The following ESR1 variants were observed in gnomAD, a reference collection of about 807,000 sequenced individuals.
ESR1 encodes the protein estrogen receptor 1, also known as estrogen receptor.
In ESR1, 12 loss-of-function variants were observed where a neutral mutation model predicts 52.7. The observed-to-expected ratio is 0.23, with a 90% CI of 0.15 to 0.37. The LOEUF is 0.37. Among genes scored for constraint, ESR1 ranks in the 10% least tolerant of loss-of-function variants. The pLI, the probability that ESR1 is intolerant of heterozygous loss-of-function variation, is 1.00. For synonymous variants in ESR1, 305 were observed against 316.8 expected (o/e 0.96, Z 0.39); for missense variants, 584 against 779.7 (o/e 0.75, Z 2.99).
chr6:152,122,497 T>G (rs1256878138), intron 6 of ESR1: 4 of 1,614,160 alleles, frequency 2.5e-6, no homozygotes, highest in Non-Finnish European at 3.4e-6. Flanking sequence ...GGCAAAGTTG[T>G]TGGAGAGGGC....
chr6:151,831,708 C>G (rs991856539), intron 1 of ESR1, among the ~76,000 whole-genome samples: 1 of 152,148 alleles, frequency 6.6e-6, no homozygotes. Context: ...TCTAAAACAA[C>G]TGGTGTTGTA....
intron 6 of ESR1, among the ~76,000 whole-genome samples, chr6:152,082,828 C>G (rs1198657853): frequency 1.3e-5 from 2 of 152,146 alleles, no homozygotes; most frequent in Non-Finnish European, 2.9e-5. Context: ...AATAGACAAA[C>G]AGAGAGCCAA....
In ESR1 at chr6:151,808,067, A is replaced by G. The variant is rs1778161456; in HGVS notation, c.155A>G (p.Tyr52Cys). 3.1e-6 allele frequency: 5 copies of G among 1,613,462 alleles called. No individual in the cohort carries two copies. Among genetic ancestry groups the G allele is most frequent in the Non-Finnish European group, 3.4e-6 (4 of 1,179,892 alleles). The stretch of plus-strand genomic sequence containing the variant: ...CTGGACAGCAGCAAGCCCGCCGTGT[A>G]CAACTACCCCGAGGGCGCCGCCTAC... ...VYLDSSKPAV[Y>C]NYPEGAAYEF... The change falls in exon 1 of 8, where the codon TAC becomes TGC. Residue 52 changes from tyrosine to cysteine, a missense_variant. By Grantham distance (194) the Tyr-to-Cys change is radical. This residue lies in a region of ESR1 where 251 missense variants were observed against 246.1 expected (regional missense o/e 1.02). Transcript: ENST00000206249.
chr6:151,971,377 T>C (rs888337076), intron 4 of ESR1, among the ~76,000 whole-genome samples: 11 of 152,118 alleles, frequency 7.2e-5, no homozygotes, highest in Non-Finnish European at 1.0e-4. Flanking sequence ...CCAAAGTCCA[T>C]TGTATCATTC....
chr6:152,108,607 T>A (rs906061210), intron 6 of ESR1, among the ~76,000 whole-genome samples: 4 of 152,200 alleles, frequency 2.6e-5, no homozygotes. Flanking sequence ...GGAGCAGACT[T>A]GTCTACATAT....
At chr6:151,710,235 C>A (rs893409830) in intron 2 of ESR1, among the ~76,000 whole-genome samples, 1 of 150,900 alleles carries the variant, frequency 6.6e-6, no homozygotes, top group East Asian at 1.9e-4. Flanking sequence ...GCTCCCTACT[C>A]ATTAATATTA....
upstream of ESR1, among the ~76,000 whole-genome samples, chr6:151,689,382 CTTG>C (rs1408743768): frequency 5.3e-5 from 8 of 152,268 alleles, no homozygotes; most frequent in East Asian, 1.5e-3. Context: ...GTAAGTGAAT[CTTG>C]TTGAGATTTT....
intron 6 of ESR1, among the ~76,000 whole-genome samples, chr6:152,119,338 T>C (rs1332367097): frequency 6.6e-6 from 1 of 152,184 alleles, no homozygotes; most frequent in African/African-American, 2.4e-5. Flanking sequence ...GAAGCTACTG[T>C]GGGTCCATTT....
intron 5 of ESR1, among the ~76,000 whole-genome samples, chr6:152,013,536 G>C (rs1487097308): frequency 2.0e-5 from 3 of 152,026 alleles, no homozygotes; most frequent in African/African-American, 7.2e-5. Flanking sequence ...ATAATGTGTG[G>C]TGATCTTATC....
Position 152,028,465 on chromosome 6 carries a change from T to C in ESR1, c.1235+16671T>C, listed in dbSNP as rs1206528325. 1.3e-5 allele frequency among the ~76,000 whole-genome samples: 2 copies of C among 152,088 alleles called. 1 individual carries two copies. Among genetic ancestry groups the C allele is most frequent in the Non-Finnish European group, 2.9e-5 (2 of 68,016 alleles). On this transcript the variant is annotated intron_variant, in intron 5 of 7. Coordinates refer to ENST00000206249, the MANE Select transcript of ESR1 (RefSeq NM_000125.4). ...CCACCCTAATACTGGGCTTTTCCGA[T>C]GGTCTTAGCAAACGGCACACCAGGA...
intron 5 of ESR1, among the ~76,000 whole-genome samples, chr6:152,058,695 A>G (rs1397933999): frequency 6.6e-6 from 1 of 151,328 alleles, no homozygotes; most frequent in Non-Finnish European, 1.5e-5. Flanking sequence ...TCTTGTTCCC[A>G]TTCTAGATCT....
At position 152,060,896 on chromosome 6, in the gene ESR1, G is replaced by A. The variant is rs2047490162; in HGVS notation, c.1236-95G>A. 1.0e-5 allele frequency: 10 copies of A among 998,652 alleles called. No homozygotes were observed. The South Asian group carries it at 1.4e-4, about 14-fold the overall frequency. The allele number at this position is 998,652 out of a possible 1,614,324, so 61.9% of individuals were successfully genotyped here. A position where few individuals can be genotyped will look rare whatever the true frequency, so the allele number is the denominator to read the frequency against. ...TTTTGTTAAAGATTTAGAACCAGTG[G>A]ATTTTTATGAATGTGAACCCTTTCA... On this transcript the variant is annotated intron_variant, in intron 5 of 7. Coordinates refer to ENST00000206249, the MANE Select transcript of ESR1 (RefSeq NM_000125.4).
At chr6:151,999,169 G>A (rs1438675885) in intron 4 of ESR1, among the ~76,000 whole-genome samples, 1 of 151,998 alleles carries the variant, frequency 6.6e-6, no homozygotes, top group African/African-American at 2.4e-5. Flanking sequence ...GGTTTTACCT[G>A]TTTATTTCAT....
intron 2 of ESR1, among the ~76,000 whole-genome samples, chr6:151,758,761 T>TA (rs67609508): frequency 0.026 from 3,243 of 124,286 alleles, 31 homozygotes; most frequent in Middle Eastern, 0.043. Context: ...TGTCTCAAAT[T>TA]AAAAAAAAAA....
intron 2 of ESR1, among the ~76,000 whole-genome samples, chr6:151,757,603 T>C (rs545606335): frequency 3.9e-5 from 6 of 152,320 alleles, no homozygotes; most frequent in East Asian, 1.9e-4. Flanking sequence ...AGTGAGCTCA[T>C]GCATGTTTAT....
intron 2 of ESR1, among the ~76,000 whole-genome samples, chr6:151,876,504 C>T (rs964572059): frequency 7.9e-5 from 12 of 152,142 alleles, no homozygotes; most frequent in East Asian, 3.8e-4. Flanking sequence ...TGCATATGTA[C>T]GGGCCATTAT....
chr6:152,123,139 T>C (rs376197580), intron 6 of ESR1, among the ~76,000 whole-genome samples: 1 of 152,240 alleles, frequency 6.6e-6, no homozygotes. Flanking sequence ...ATCCTGGATA[T>C]GCCAAAATCC....
chr6:151,814,435 G>A (rs1475264800), intron 1 of ESR1, among the ~76,000 whole-genome samples: 1 of 151,622 alleles, frequency 6.6e-6, no homozygotes, highest in Non-Finnish European at 1.5e-5. Context: ...TTCTGTTTTA[G>A]TTGTTCCATC....
intron 5 of ESR1, among the ~76,000 whole-genome samples, chr6:152,051,349 C>G (rs929816226): frequency 9.9e-5 from 15 of 152,106 alleles, no homozygotes; most frequent in African/African-American, 3.1e-4. Context: ...GGCTGCCCAG[C>G]ACTGATGAAA....
Sources: allele counts gnomAD v4.1 joint callset (sites outside exome capture counted in the v4.1 genomes callset), GRCh38; gene constraint gnomAD v4.1.1; regional missense constraint gnomAD v4.1.1; transcripts MANE v1.5; gene names NCBI Gene and HGNC (gene_info 2026-07-23, HGNC 2026-07-21).